OPCML: variants seen among roughly 807,000 people sequenced by gnomAD.
The protein encoded by OPCML is opioid-binding protein/cell adhesion molecule.
In OPCML, 13 loss-of-function variants were observed where a neutral mutation model predicts 37.8. That is an observed-to-expected ratio of 0.34 (90% CI 0.22 to 0.55). The LOEUF (loss-of-function observed/expected upper bound fraction) is 0.55. OPCML is among the 20% of genes least tolerant of loss of function. The pLI, the probability that OPCML is intolerant of heterozygous loss-of-function variation, is 0.91. For missense variants in OPCML, 341 were observed against 435.6 expected (o/e 0.78, Z 1.93); for synonymous variants, 176 against 168.8 (o/e 1.04, Z -0.33).
intron 4 of OPCML, among the ~76,000 whole-genome samples, chr11:132,519,928 T>C (rs1172100992): frequency 6.6e-6 from 1 of 152,146 alleles, no homozygotes; most frequent in African/African-American, 2.4e-5. Context: ...GCTGGAACTG[T>C]TACCTGGGAT....
At chr11:132,603,102 T>C (rs1363725214) in intron 3 of OPCML, among the ~76,000 whole-genome samples, 3 of 152,182 alleles carry the variant, frequency 2.0e-5, no homozygotes, top group Non-Finnish European at 4.4e-5. Flanking sequence ...TAGTTTGCTC[T>C]TCATCTGGGT....
At chr11:133,232,698 C>T (rs1331057766) in intron 1 of OPCML, among the ~76,000 whole-genome samples, 1 of 152,100 alleles carries the variant, frequency 6.6e-6, no homozygotes, top group African/African-American at 2.4e-5. Flanking sequence ...GATGGATTTA[C>T]TTATTTACTT....
At chr11:133,448,520 C>T (rs1182376238) in intron 1 of OPCML, among the ~76,000 whole-genome samples, 4 of 152,104 alleles carry the variant, frequency 2.6e-5, no homozygotes, top group Non-Finnish European at 5.9e-5. Context: ...TGCAAAGGCG[C>T]GATCTCGACT....
chr11:133,386,420 A>C (rs554426942), intron 1 of OPCML, among the ~76,000 whole-genome samples: 1 of 152,232 alleles, frequency 6.6e-6, no homozygotes, highest in African/African-American at 2.4e-5. Context: ...AATTTGAGGG[A>C]AAGATAAGTA....
chr11:132,599,166 C>A (rs1937652799), intron 3 of OPCML, among the ~76,000 whole-genome samples: 1 of 152,150 alleles, frequency 6.6e-6, no homozygotes, highest in African/African-American at 2.4e-5. Flanking sequence ...ATAATCCCAG[C>A]TACTCGGGAA....
At chr11:133,488,126 A>T (rs1947570125) in intron 1 of OPCML, among the ~76,000 whole-genome samples, 1 of 152,158 alleles carries the variant, frequency 6.6e-6, no homozygotes, top group Admixed American at 6.5e-5. Flanking sequence ...CAACATAATA[A>T]AGGACATATA....
intron 1 of OPCML, among the ~76,000 whole-genome samples, chr11:133,027,504 G>T: frequency 6.7e-6 from 1 of 149,854 alleles, no homozygotes; most frequent in African/African-American, 2.5e-5. Context: ...GTGTGTGTGT[G>T]TGTAGTGCGG....
chr11:133,492,065 G>A (rs1302552664), intron 1 of OPCML, among the ~76,000 whole-genome samples: 4 of 152,174 alleles, frequency 2.6e-5, no homozygotes, highest in African/African-American at 9.7e-5. Context: ...AGGAACACAT[G>A]GGAAGCTCTC....
At chr11:133,223,402 G>T (rs1257981657) in intron 1 of OPCML, among the ~76,000 whole-genome samples, 1 of 152,174 alleles carries the variant, frequency 6.6e-6, no homozygotes, top group Non-Finnish European at 1.5e-5. Flanking sequence ...GACTAAGCAG[G>T]TGCCGTGTTT....
At chr11:133,430,504 T>C (rs967963331) in intron 1 of OPCML, among the ~76,000 whole-genome samples, 2 of 152,206 alleles carry the variant, frequency 1.3e-5, no homozygotes, top group African/African-American at 2.4e-5. Context: ...AACTATCTAA[T>C]GTTGGGATGG....
chr11:132,901,320 T>C (rs140608394), intron 2 of OPCML, among the ~76,000 whole-genome samples: 2 of 152,272 alleles, frequency 1.3e-5, no homozygotes, highest in South Asian at 2.1e-4. Context: ...ATAATTAAAA[T>C]CTCACCATAA....
chr11:133,295,143 A>T (rs1942597422), intron 1 of OPCML, among the ~76,000 whole-genome samples: 1 of 152,038 alleles, frequency 6.6e-6, no homozygotes, highest in Non-Finnish European at 1.5e-5. Flanking sequence ...AAAGCTTCAA[A>T]CCCAACTTCT....
chr11:132,822,359 A>G (rs1940046753), intron 2 of OPCML, among the ~76,000 whole-genome samples: 1 of 152,118 alleles, frequency 6.6e-6, no homozygotes, highest in South Asian at 2.1e-4. Context: ...TTGTAAATGC[A>G]TGAATAACTT....
intron 1 of OPCML, among the ~76,000 whole-genome samples, chr11:133,217,504 T>G (rs1453833): frequency 0.032 from 4,903 of 152,234 alleles, 239 homozygotes; most frequent in African/African-American, 0.11. Context: ...GCAGCACCCA[T>G]GAAGGTGACC....
chr11:132,944,474 G>C (rs1462062329), intron 1 of OPCML, among the ~76,000 whole-genome samples: 1 of 152,168 alleles, frequency 6.6e-6, no homozygotes, highest in African/African-American at 2.4e-5. Context: ...ACCCACCTCG[G>C]AAACGCCCGT....
intron 4 of OPCML, among the ~76,000 whole-genome samples, chr11:132,441,074 G>GAGGA (rs1478031403): frequency 6.6e-6 from 1 of 151,920 alleles, no homozygotes; most frequent in Non-Finnish European, 1.5e-5. Context: ...GGAGAGGGAG[G>GAGGA]AGGAAGGAAA....
intron 2 of OPCML, among the ~76,000 whole-genome samples, chr11:132,872,949 G>A (rs1172077883): frequency 6.6e-6 from 1 of 151,120 alleles, no homozygotes; most frequent in Non-Finnish European, 1.5e-5. Flanking sequence ...GGGAAATGCT[G>A]TGGCTGGCAG....
In OPCML at chr11:132,920,598, G is replaced by A. The variant is rs557058702; in HGVS notation, c.146+22328C>T. 2.5e-3 allele frequency among the ~76,000 whole-genome samples: 383 copies of A among 152,198 alleles called. 1 individual carries two copies. The highest frequency in any genetic ancestry group is 3.7e-3 in the Non-Finnish European group (253 of 68,006). On this transcript the variant is annotated intron_variant, in intron 2 of 7. Transcript: ENST00000524381. Reference sequence around the variant, plus strand: ...GCACACATGGCCCCAGGACAGCCGCGGCCCCTGGGAGAGAGCTGCAGCCAG... The same window carrying A: ...GCACACATGGCCCCAGGACAGCCGCAGCCCCTGGGAGAGAGCTGCAGCCAG...
chr11:132,584,113 C>A (rs1008675901), intron 3 of OPCML, among the ~76,000 whole-genome samples: 2 of 151,784 alleles, frequency 1.3e-5, no homozygotes, highest in Non-Finnish European at 2.9e-5. Flanking sequence ...TAAGCCAGGG[C>A]CATTTAAAAA....
Sources: allele counts gnomAD v4.1 joint callset (sites outside exome capture counted in the v4.1 genomes callset), GRCh38; gene constraint gnomAD v4.1.1; transcripts MANE v1.5; gene names NCBI Gene and HGNC (gene_info 2026-07-23, HGNC 2026-07-21).